ATRNL1: variants seen among roughly 807,000 people sequenced by gnomAD.
The protein encoded by ATRNL1 is attractin-like protein 1.
Under a neutral mutation model 182.7 loss-of-function variants are expected in ATRNL1, and 95 were observed. That is an observed-to-expected ratio of 0.52 (90% CI 0.44 to 0.62). The LOEUF (loss-of-function observed/expected upper bound fraction) is 0.62, where lower values mean the gene tolerates loss of function less well. Ranked by LOEUF, ATRNL1 falls within the 20% of genes least tolerant of loss-of-function variation. The pLI is 0.00. For missense variants in ATRNL1, 1,471 were observed against 1,679.5 expected, an observed-to-expected ratio of 0.88 and a Z score of 2.17; for synonymous variants, 576 against 568.3, an observed-to-expected ratio of 1.01 and a Z score of -0.19.
intron 1 of ATRNL1, among the ~76,000 whole-genome samples, chr10:115,107,211 G>A (rs1844049784): frequency 6.6e-6 from 1 of 152,020 alleles, no homozygotes; most frequent in Non-Finnish European, 1.5e-5. Flanking sequence ...GAGACTCAAG[G>A]CACAATTCAT....
chr10:115,658,998 A>G (rs1423804980), intron 26 of ATRNL1, among the ~76,000 whole-genome samples: 6 of 152,176 alleles, frequency 3.9e-5, no homozygotes, highest in Non-Finnish European at 7.3e-5. Context: ...ATAAGCTCTC[A>G]TAAGAATGTA....
rs377484564 is a variant in ATRNL1 at position 115,549,528 on chromosome 10, C to A, written c.3787C>A (p.Arg1263=). 1.5e-5 allele frequency: 24 copies of A among 1,586,918 alleles called. No individual in the cohort carries two copies. The East Asian group carries it at 5.5e-4, about 37-fold the overall frequency. Residue 1263 remains arginine, a synonymous_variant, in exon 26 of 29, where the codon CGG becomes AGG. Transcript: ENST00000355044. The part of the protein sequence containing the change: ...KIKQTCWASR[R]REQLLRERQQ... ...CAAACAAACTTGTTGGGCTTCTCGA[C>A]GGAGAGAGGTATCAGTAATATTATT...
At chr10:115,193,271 G>A (rs1048886006) in intron 8 of ATRNL1, among the ~76,000 whole-genome samples, 1 of 151,946 alleles carries the variant, frequency 6.6e-6, no homozygotes, top group Non-Finnish European at 1.5e-5. Context: ...TATAGTGAAA[G>A]GATTTTGAAT....
At chr10:115,376,681 A>G (rs1229760254) in intron 19 of ATRNL1, among the ~76,000 whole-genome samples, 3 of 152,080 alleles carry the variant, frequency 2.0e-5, no homozygotes, top group South Asian at 4.1e-4. Flanking sequence ...CAATTTTATT[A>G]TATTTTGTCA....
intron 9 of ATRNL1, among the ~76,000 whole-genome samples, chr10:115,236,588 A>G (rs958836323): frequency 1.3e-5 from 2 of 152,208 alleles, no homozygotes; most frequent in Admixed American, 1.3e-4. Context: ...TTTTTTAACA[A>G]TAAACTCTAT....
At chr10:115,375,689 G>A (rs151301567) in intron 19 of ATRNL1, among the ~76,000 whole-genome samples, 241 of 151,962 alleles carry the variant, frequency 1.6e-3, no homozygotes, top group African/African-American at 5.5e-3. Flanking sequence ...TCTGATTTAA[G>A]CTAATAATAA....
chr10:115,838,508 G>A (rs1225706230), intron 27 of ATRNL1, among the ~76,000 whole-genome samples: 1 of 152,164 alleles, frequency 6.6e-6, no homozygotes, highest in Admixed American at 6.5e-5. Flanking sequence ...ACTGGCAGCT[G>A]CATAAGTTTT....
chr10:115,242,667 A>G (rs1850471999), intron 10 of ATRNL1, among the ~76,000 whole-genome samples: 1 of 152,062 alleles, frequency 6.6e-6, no homozygotes. Context: ...TATTTCAAGT[A>G]GAATCATGTA....
In ATRNL1 at chr10:115,610,934, A is replaced by G. The variant is rs146686905; in HGVS notation, c.3795+61398A>G. Among the ~76,000 whole-genome samples, 1,337 of 152,316 alleles carry G rather than the reference A, an allele frequency of 8.8e-3. 9 individuals are homozygous for G. Among genetic ancestry groups the G allele is most frequent in the Non-Finnish European group, 0.014 (969 of 68,000 alleles). On this transcript the variant is annotated intron_variant, in intron 26 of 28. Transcript: ENST00000355044. The stretch of plus-strand genomic sequence containing the variant: ...AATTAATAAAGATTACCCTGAAGGG[A>G]CAATAATAAATATAAACATTAATTT...
chr10:115,557,264 A>G (rs1853367298), intron 26 of ATRNL1, among the ~76,000 whole-genome samples: 1 of 152,184 alleles, frequency 6.6e-6, no homozygotes, highest in African/African-American at 2.4e-5. Flanking sequence ...TGCATCTGGC[A>G]TGAGGAAACA....
At chr10:115,268,299 A>T (rs1554911533) in intron 12 of ATRNL1, 27 bp from the exon 13 acceptor site, 4 of 1,297,154 alleles carry the variant, frequency 3.1e-6, no homozygotes, top group Non-Finnish European at 4.5e-6. Flanking sequence ...TTCCGTGCTG[A>T]TATATCGTCC....
At chr10:115,645,035 A>G (rs1278715602) in intron 26 of ATRNL1, among the ~76,000 whole-genome samples, 3 of 152,112 alleles carry the variant, frequency 2.0e-5, no homozygotes, top group African/African-American at 7.2e-5. Flanking sequence ...GAGCATATAC[A>G]GTCAGAGATG....
chr10:115,614,070 TG>T (rs1406606313), intron 26 of ATRNL1, among the ~76,000 whole-genome samples: 3 of 152,026 alleles, frequency 2.0e-5, no homozygotes, highest in African/African-American at 7.2e-5. Context: ...ACTAATTTTC[TG>T]TTTGGTTTCT....
chr10:115,191,264 T>C lies in ATRNL1; in HGVS notation c.1348+19972T>C, dbSNP rs527912284. Among the ~76,000 whole-genome samples, 6 of 152,222 alleles carry C rather than the reference T, an allele frequency of 3.9e-5. No individual in the cohort carries two copies. In the East Asian group the frequency reaches 1.2e-3, roughly 29 times the overall value. Reference sequence around the variant, plus strand: ...TGGTATTGCTGGATCATGTGGTAGTTCTATTTTTAGTTTTTTAGGAACTCC... The same window carrying C: ...TGGTATTGCTGGATCATGTGGTAGTCCTATTTTTAGTTTTTTAGGAACTCC... On this transcript the variant is annotated intron_variant, in intron 8 of 28. Transcript: ENST00000355044.
intron 26 of ATRNL1, among the ~76,000 whole-genome samples, chr10:115,683,407 A>G (rs1382781334): frequency 1.3e-5 from 2 of 152,130 alleles, no homozygotes; most frequent in Non-Finnish European, 2.9e-5. Flanking sequence ...TAATTTCATT[A>G]TCTGTAAGGA....
At chr10:115,403,258 T>C (rs1007533765) in intron 20 of ATRNL1, among the ~76,000 whole-genome samples, 1 of 26,136 alleles carries the variant, frequency 3.8e-5, no homozygotes. Flanking sequence ...TACTCTCATC[T>C]TTTTTTTTTT....
chr10:115,324,825 A>G (rs1854785681), intron 18 of ATRNL1, among the ~76,000 whole-genome samples: 1 of 152,070 alleles, frequency 6.6e-6, no homozygotes. Context: ...GGATTTTGGA[A>G]CCCATGCCTC....
At position 115,241,742 on chromosome 10, in the gene ATRNL1, A is replaced by T. The variant is rs1422336911; in HGVS notation, c.1687+17A>T. 11 of 1,599,486 alleles carry T rather than the reference A, an allele frequency of 6.9e-6. No homozygotes were observed. The highest frequency in any genetic ancestry group is 2.7e-5 in the African/African-American group (2 of 74,680). ...ATGACATAGGTATGTATCTGTTAGG[A>T]TTGTACAAAGTAGGAAATATCAGAA... On this transcript the variant is annotated intron_variant, in intron 10 of 28. Coordinates refer to ENST00000355044, the MANE Select transcript of ATRNL1 (RefSeq NM_207303.4).
At chr10:115,480,207 A>AACACACACACACACACACACACACAC (rs72119794) in intron 24 of ATRNL1, among the ~76,000 whole-genome samples, 2 of 146,638 alleles carry the variant, frequency 1.4e-5, no homozygotes, top group African/African-American at 5.0e-5. Flanking sequence ...GAGTCATTTG[A>AACACACACACACACACACACACACAC]ACACACACAC....
Sources: allele counts gnomAD v4.1 joint callset (sites outside exome capture counted in the v4.1 genomes callset), GRCh38; gene constraint gnomAD v4.1.1; transcripts MANE v1.5; gene names NCBI Gene and HGNC (gene_info 2026-07-23, HGNC 2026-07-21).